ADAM17: variants seen among roughly 807,000 people sequenced by gnomAD.
ADAM17 encodes the protein disintegrin and metalloproteinase domain-containing protein 17.
A neutral mutation model predicts 96.7 loss-of-function variants in ADAM17; 39 were observed. That is an observed-to-expected ratio of 0.40 (90% CI 0.31 to 0.53). The LOEUF (loss-of-function observed/expected upper bound fraction) is 0.53, where lower values mean the gene tolerates loss of function less well. Among genes scored for constraint, ADAM17 ranks in the 20% least tolerant of loss-of-function variants. ADAM17 has a pLI of 0.44. For missense variants in ADAM17, 777 were observed against 1,013.2 expected (o/e 0.77, Z 3.17); for synonymous variants, 344 against 359.2 (o/e 0.96, Z 0.48).
At chr2:9,510,663 C>CA (rs57462514) in intron 10 of ADAM17, among the ~76,000 whole-genome samples, 2,351 of 84,600 alleles carry the variant, frequency 0.028, 26 homozygotes, top group South Asian at 0.049. Context: ...GACTTCGTCT[C>CA]AAAAAAAAAA....
At chr2:9,498,225 A>G (rs1020850924) in intron 13 of ADAM17, among the ~76,000 whole-genome samples, 3 of 151,806 alleles carry the variant, frequency 2.0e-5, no homozygotes, top group African/African-American at 7.3e-5. Flanking sequence ...GAGAGACGAG[A>G]TCTCCCTGTG....
intron 17 of ADAM17, 117 bp from the exon 18 acceptor site, chr2:9,491,268 A>G (rs1572871855): frequency 1.2e-6 from 1 of 867,004 alleles, no homozygotes; most frequent in Non-Finnish European, 1.8e-6. Context: ...AGTTGTAGAA[A>G]GTGATAGCAG....
At chr2:9,537,873 A>G (rs1665027243) in intron 2 of ADAM17, among the ~76,000 whole-genome samples, 1 of 128,142 alleles carries the variant, frequency 7.8e-6, no homozygotes, top group Non-Finnish European at 1.7e-5. Flanking sequence ...AGAAGACAGG[A>G]AAAGAGGGGA....
chr2:9,521,052 A>G (rs1664288734), intron 8 of ADAM17, 151 bp downstream of exon 8: 1 of 484,334 alleles, frequency 2.1e-6, no homozygotes, highest in Admixed American at 3.6e-5. Context: ...CTATGCTGCT[A>G]CATGGGATGG....
chr2:9,496,881 T>C (rs1219720608), intron 14 of ADAM17, among the ~76,000 whole-genome samples: 1 of 152,188 alleles, frequency 6.6e-6, no homozygotes, highest in African/African-American at 2.4e-5. Context: ...GCCTGCCATA[T>C]GGCCTGAAAC....
rs34525911 is a variant in ADAM17 at position 9,489,259 on chromosome 2, A to ATTTTTTTTTTT, written c.*907_*917dup. ...AATATTCTAGGTTTGTAGATAGTGAATTTTTTTTTTTTTTTTTTTTTTTTG... is the reference window on the plus strand; with the variant it reads ...AATATTCTAGGTTTGTAGATAGTGAATTTTTTTTTTTTTTTTTTTTTTTTTTTTTTTTTTTG... On this transcript the variant is annotated 3_prime_UTR_variant, in exon 19 of 19. Coordinates refer to ENST00000310823, the MANE Select transcript of ADAM17 (RefSeq NM_003183.6). The ATTTTTTTTTTT allele has an allele frequency of 7.4e-4, 65 of 87,394 alleles. 5 individuals are homozygous for ATTTTTTTTTTT. The highest frequency in any genetic ancestry group is 4.1e-3 in the African/African-American group (64 of 15,524). 5.4% of individuals were successfully genotyped at this position (87,394 alleles called of 1,614,324 possible).
chr2:9,527,283 CAAACA>C (rs60074409), intron 5 of ADAM17, among the ~76,000 whole-genome samples: 4 of 150,122 alleles, frequency 2.7e-5, no homozygotes, highest in Non-Finnish European at 4.5e-5. Context: ...GATCGCGCTG[CAAACA>C]AAACAAAACA....
intron 15 of ADAM17, 44 bp downstream of exon 15, chr2:9,494,593 T>C: frequency 6.2e-7 from 1 of 1,603,542 alleles, no homozygotes. Flanking sequence ...AAATAAAAAC[T>C]TCCTATCTGG....
chr2:9,523,305 G>T lies in ADAM17; in HGVS notation c.787C>A (p.Arg263=). ...ELIDRVDDIY[R]NTSWDNAGFK... The stretch of plus-strand genomic sequence containing the variant: ...CCTGCATTATCCCATGAAGTGTTCC[G>T]ATAGATGTCATCAACTCTGTCAATT... The change falls in exon 7 of 19, where the codon CGG becomes AGG. Residue 263 remains arginine (R), a synonymous_variant. Transcript: ENST00000310823. 2 of 1,612,860 alleles carry T rather than the reference G, an allele frequency of 1.2e-6. No individual in the cohort carries two copies. The highest frequency in any genetic ancestry group is 8.5e-7 in the Non-Finnish European group (1 of 1,179,428).
chr2:9,490,795 A>C (rs1049746229), intron 18 of ADAM17, among the ~76,000 whole-genome samples: 56 of 152,356 alleles, frequency 3.7e-4, no homozygotes, highest in African/African-American at 1.3e-3. Flanking sequence ...AAGAGGATTC[A>C]AACCTCTCAA....
At chr2:9,550,903 CAAAAAAA>C (rs33972062) in intron 1 of ADAM17, among the ~76,000 whole-genome samples, 28 of 97,868 alleles carry the variant, frequency 2.9e-4, no homozygotes, top group East Asian at 1.4e-3. Flanking sequence ...ACTAAAAATA[CAAAAAAA>C]AAAAAAAAAA....
chr2:9,536,918 C>A, intron 2 of ADAM17, 90 bp from the exon 3 acceptor site: 6 of 1,421,276 alleles, frequency 4.2e-6, no homozygotes, highest in Non-Finnish European at 3.8e-6. Flanking sequence ...AAGCCAGAAG[C>A]ATTGACATTA....
chr2:9,554,492 C>G (rs930919826), intron 1 of ADAM17, among the ~76,000 whole-genome samples: 4 of 152,088 alleles, frequency 2.6e-5, no homozygotes, highest in Non-Finnish European at 4.4e-5. Context: ...GTATCCATAC[C>G]AATCCATTAC....
chr2:9,522,457 A>G (rs1287991103), intron 7 of ADAM17: 1 of 602,584 alleles, frequency 1.7e-6, no homozygotes, highest in East Asian at 2.8e-5. Flanking sequence ...GAAAATGCGT[A>G]ACAGTGAAAG....
At position 9,490,019 on chromosome 2, in the gene ADAM17, A is replaced by AACCACACAAGAACTGTTT. The variant is rs1414037058; in HGVS notation, c.*140_*157dup. On this transcript the variant is annotated 3_prime_UTR_variant, in exon 19 of 19. Transcript: ENST00000310823. The stretch of plus-strand genomic sequence containing the variant: ...TACCTTTTCAAAAGGAGAAGGGCCA[A>AACCACACAAGAACTGTTT]ACCACACAAGAACTGTTTACCTGCA... 6.0e-6 allele frequency: 4 copies of AACCACACAAGAACTGTTT among 668,598 alleles called. No homozygotes were observed. Among genetic ancestry groups the AACCACACAAGAACTGTTT allele is most frequent in the Non-Finnish European group, 9.7e-6 (4 of 413,470 alleles). 41.4% of individuals were successfully genotyped at this position (668,598 alleles called of 1,614,324 possible).
chr2:9,536,924 C>T, intron 2 of ADAM17, 96 bp from the exon 3 acceptor site: 1 of 1,390,596 alleles, frequency 7.2e-7, no homozygotes, highest in Non-Finnish European at 9.8e-7. Flanking sequence ...GAAGCATTGA[C>T]ATTAATAAAA....
chr2:9,534,458 CG>C (rs1355566722), intron 4 of ADAM17, among the ~76,000 whole-genome samples: 9 of 152,078 alleles, frequency 5.9e-5, no homozygotes, highest in African/African-American at 1.9e-4. Context: ...TCGCCTGAAC[CG>C]GGGAGGCAGA....
chr2:9,520,988 G>GAAAACAAAAA (rs1234369493), intron 8 of ADAM17, among the ~76,000 whole-genome samples: 1 of 112,028 alleles, frequency 8.9e-6, no homozygotes, highest in Non-Finnish European at 2.0e-5. Context: ...AAAAAAAAAG[G>GAAAACAAAAA]AAGCATTGCT....
chr2:9,511,399 G>T (rs1390120230), intron 10 of ADAM17, among the ~76,000 whole-genome samples: 1 of 151,928 alleles, frequency 6.6e-6, no homozygotes, highest in South Asian at 2.1e-4. Flanking sequence ...GCAGTGAGCT[G>T]AGATCATGCC....
Sources: gnomAD v4.1 joint callset for allele counts (sites outside exome capture counted in the v4.1 genomes callset) on GRCh38, gnomAD v4.1.1 for gene constraint, MANE v1.5 for transcripts, NCBI Gene and HGNC (gene_info 2026-07-23, HGNC 2026-07-21) for gene names.